The following MID1 variants were observed in gnomAD, a reference collection of about 807,000 sequenced individuals.
MID1 encodes the protein E3 ubiquitin-protein ligase Midline-1.
Under a neutral mutation model 40.4 loss-of-function variants are expected in MID1, and 7 were observed. The observed-to-expected ratio is 0.17, with a 90% confidence interval of 0.10 to 0.33. The LOEUF (loss-of-function observed/expected upper bound fraction) is 0.33. MID1 is among the 10% of genes least tolerant of loss of function. MID1 has a pLI of 1.00. For missense variants in MID1, 367 were observed against 558.5 expected, an observed-to-expected ratio of 0.66 and a Z score of 3.46; for synonymous variants, 229 against 221.2, an observed-to-expected ratio of 1.04 and a Z score of -0.31.
chrX:10,521,867 TC>T lies in MID1; in HGVS notation c.756+1224del, dbSNP rs1569082830. 8.9e-5 allele frequency among the ~76,000 whole-genome samples: 10 copies of T among 112,368 alleles called. No individual in the cohort carries two copies. The East Asian group carries it at 2.8e-3, about 32-fold the overall frequency. On this transcript the variant is annotated intron_variant, in intron 3 of 9. Coordinates refer to ENST00000317552, the MANE Select transcript of MID1 (RefSeq NM_000381.4). ...TTGTTTTTTCTTTTTTGAGACAAGG[TC>T]TCACTCTGTCGCCTAGGCTGGAGTG...
intron 1 of MID1, among the ~76,000 whole-genome samples, chrX:10,636,811 T>TAC (rs1936122254): frequency 1.1e-5 from 1 of 90,444 alleles, no homozygotes; most frequent in Admixed American, 1.2e-4. Flanking sequence ...TATATATATA[T>TAC]ATATATACAC....
intron 2 of MID1, among the ~76,000 whole-genome samples, chrX:10,564,060 A>T (rs755040215): frequency 9.8e-5 from 11 of 112,225 alleles, no homozygotes; most frequent in African/African-American, 3.6e-4. Context: ...TTACATATGC[A>T]AATTAATAAA....
At chrX:10,590,856 G>T (rs1260441416) in intron 1 of MID1, among the ~76,000 whole-genome samples, 1 of 111,657 alleles carries the variant, frequency 9.0e-6, no homozygotes, top group African/African-American at 3.3e-5. Flanking sequence ...TATCCCCAAG[G>T]GAGTTGACTT....
chrX:10,742,077 C>T lies in MID1; in HGVS notation c.-187+91477G>A, dbSNP rs372361119. Reference sequence around the variant, plus strand: ...CATGTTGCTACCACAGCCCCTCCCTCGCCCCACCTCTCCCTTTGGCTCAAT... The same window carrying T: ...CATGTTGCTACCACAGCCCCTCCCTTGCCCCACCTCTCCCTTTGGCTCAAT... On this transcript the variant is annotated intron_variant, in intron 1 of 10. Transcript: ENST00000380785. 8.2e-4 allele frequency among the ~76,000 whole-genome samples: 91 copies of T among 110,830 alleles called. No homozygotes were observed. The South Asian group carries it at 0.033, about 40-fold the overall frequency.
intron 2 of MID1, among the ~76,000 whole-genome samples, chrX:10,525,640 G>A (rs544727396): frequency 1.5e-3 from 164 of 112,404 alleles, no homozygotes; most frequent in African/African-American, 4.7e-3. Flanking sequence ...TCTGAGGTTA[G>A]GGCGTGAGGT....
rs1483794967 is a variant in MID1, at chrX:10,523,156, A to G, written c.692T>C (p.Ile231Thr). The G allele has an allele frequency of 8.3e-7, 1 of 1,200,500 alleles. No homozygotes were observed. Among genetic ancestry groups the G allele is most frequent in the Middle Eastern group, 2.3e-4 (1 of 4,311 alleles). The change falls in exon 3 of 10, where the codon ATT (isoleucine) becomes ACT (threonine). Residue 231 changes from isoleucine to threonine, a missense_variant. This residue lies in a region of MID1 where 275 missense variants were observed against 383.1 expected (regional missense o/e 0.72). Transcript: ENST00000317552. ...QNLESNLTNLIKRNTELETLL... is the reference protein window; with the variant it reads ...QNLESNLTNLTKRNTELETLL... ...GGTCTCCAGTTCTGTGTTCCTCTTA[A>G]TAAGGTTGGTGAGGTTACTCTCTAA...
At chrX:10,617,846 G>T (rs1447810280) in intron 1 of MID1, among the ~76,000 whole-genome samples, 1 of 112,435 alleles carries the variant, frequency 8.9e-6, no homozygotes, top group Non-Finnish European at 1.9e-5. Flanking sequence ...TCAGAGGGCA[G>T]AGACAGGTTG....
At chrX:10,620,783 T>C (rs1935924483), upstream of MID1, 1 of 112,456 alleles carries the variant, frequency 8.9e-6, no homozygotes, top group Admixed American at 9.4e-5. Flanking sequence ...CTAACAGCTC[T>C]AGTTCTGCTA....
At chrX:10,821,238 C>T (rs2044172783) in intron 1 of MID1, among the ~76,000 whole-genome samples, 1 of 112,042 alleles carries the variant, frequency 8.9e-6, no homozygotes, top group Admixed American at 9.5e-5. Flanking sequence ...CTTTAGGCCA[C>T]CAAGCTATCA....
intron 1 of MID1, among the ~76,000 whole-genome samples, chrX:10,641,373 C>A (rs1936193110): frequency 1.8e-5 from 2 of 111,957 alleles, no homozygotes; most frequent in South Asian, 7.4e-4. Context: ...AAACAACCAT[C>A]AGAGAATACT....
chrX:10,828,276 G>A (rs901098933), intron 1 of MID1, among the ~76,000 whole-genome samples: 9 of 111,470 alleles, frequency 8.1e-5, no homozygotes, highest in Non-Finnish European at 1.3e-4. Flanking sequence ...GTTAGCGCAT[G>A]GGATACATTC....
chrX:10,776,582 G>A (rs2043803922), intron 1 of MID1, among the ~76,000 whole-genome samples: 1 of 110,990 alleles, frequency 9.0e-6, no homozygotes, highest in African/African-American at 3.3e-5. Context: ...AACAGAAAAA[G>A]AGGTCAGGTG....
Position 10,691,715 on chromosome X carries a change from G to C in MID1, c.-186-71296C>G, listed in dbSNP as rs1021824802. Reference sequence around the variant, plus strand: ...AAGAACAGAATAACAGCGATTTTCAGGGAACAAGGAAAGATAACCATAAGG... The same window carrying C: ...AAGAACAGAATAACAGCGATTTTCACGGAACAAGGAAAGATAACCATAAGG... On this transcript the variant is annotated intron_variant, in intron 1 of 10. Transcript: ENST00000380785. 3.6e-5 allele frequency among the ~76,000 whole-genome samples: 4 copies of C among 111,981 alleles called. No individual in the cohort carries two copies. The East Asian group carries it at 1.1e-3, about 32-fold the overall frequency.
At chrX:10,719,063 A>G (rs1314281168) in intron 1 of MID1, among the ~76,000 whole-genome samples, 1 of 111,890 alleles carries the variant, frequency 8.9e-6, no homozygotes, top group Non-Finnish European at 1.9e-5. Context: ...AATAAGAGCT[A>G]TTTATGACAA....
At chrX:10,452,646 C>A (rs184788046) in intron 9 of MID1, among the ~76,000 whole-genome samples, 1 of 112,142 alleles carries the variant, frequency 8.9e-6, no homozygotes, top group Non-Finnish European at 1.9e-5. Context: ...GGTGCCCCTT[C>A]CTTGCTAATA....
chrX:10,474,839 A>G (rs1380850238), intron 5 of MID1, 89 bp from the exon 6 acceptor site: 1 of 1,007,789 alleles, frequency 9.9e-7, no homozygotes, highest in Non-Finnish European at 1.4e-6. Context: ...GAAAATAAAT[A>G]TCTCTTAAAA....
intron 1 of MID1, among the ~76,000 whole-genome samples, chrX:10,727,920 G>C (rs567251655): frequency 2.7e-5 from 3 of 112,076 alleles, no homozygotes; most frequent in Admixed American, 9.5e-5. Flanking sequence ...CTCTAGTTTA[G>C]ATGAAGAAAA....
At chrX:10,645,949 C>G (rs926759987) in intron 1 of MID1, among the ~76,000 whole-genome samples, 4 of 111,560 alleles carry the variant, frequency 3.6e-5, no homozygotes, top group African/African-American at 9.8e-5. Context: ...CAGGGGAGTT[C>G]TGAGACAGAT....
intron 1 of MID1, among the ~76,000 whole-genome samples, chrX:10,591,853 TC>T (rs941588961): frequency 1.8e-5 from 2 of 110,695 alleles, no homozygotes; most frequent in Non-Finnish European, 3.8e-5. Flanking sequence ...CTCTATTTTT[TC>T]CCCCGGGTCT....
Sources: gnomAD v4.1 joint callset for allele counts (sites outside exome capture counted in the v4.1 genomes callset) on GRCh38, gnomAD v4.1.1 for gene constraint, gnomAD v4.1.1 regional missense constraint, MANE v1.5 for transcripts, NCBI Gene and HGNC (gene_info 2026-07-23, HGNC 2026-07-21) for gene names.